ZNF529: variants seen among roughly 807,000 people sequenced by gnomAD.
ZNF529 encodes zinc finger protein 529.
In ZNF529, 11 loss-of-function variants were observed where a neutral mutation model predicts 10.1. The ratio of observed to expected loss-of-function variants is 1.09; its 90% CI spans 0.69 to 1.81. ZNF529 has a LOEUF of 1.81. ZNF529 is among the 40% of genes most tolerant of loss of function. The pLI is 0.00. For missense variants in ZNF529, 624 were observed against 666.8 expected (o/e 0.94, Z 0.71); for synonymous variants, 204 against 215.7 (o/e 0.95, Z 0.47).
At chr19:36,603,350 G>A (rs2036959584) in intron 1 of ZNF529, among the ~76,000 whole-genome samples, 1 of 152,150 alleles carries the variant, frequency 6.6e-6, no homozygotes, top group Non-Finnish European at 1.5e-5. Flanking sequence ...CATCTGATGA[G>A]GTACTGGAAA....
At chr19:36,557,784 G>A (rs2035537144) in intron 2 of ZNF529, among the ~76,000 whole-genome samples, 2 of 152,124 alleles carry the variant, frequency 1.3e-5, no homozygotes, top group Non-Finnish European at 2.9e-5. Flanking sequence ...CAAGAGACAG[G>A]CAAAGAAACA....
chr19:36,588,138 ACT>A (rs1257600353), intron 2 of ZNF529, among the ~76,000 whole-genome samples: 1 of 152,136 alleles, frequency 6.6e-6, no homozygotes, highest in East Asian at 1.9e-4. Context: ...AAAGAGCAAG[ACT>A]CTCTCAAAAT....
chr19:36,553,846 A>G (rs1344192293), intron 4 of ZNF529, among the ~76,000 whole-genome samples: 1 of 152,242 alleles, frequency 6.6e-6, no homozygotes, highest in African/African-American at 2.4e-5. Context: ...CTACAAGTGA[A>G]ATACACATAA....
chr19:36,550,995 G>C (rs567269031), intron 4 of ZNF529, among the ~76,000 whole-genome samples: 1 of 152,288 alleles, frequency 6.6e-6, no homozygotes, highest in East Asian at 1.9e-4. Flanking sequence ...TATTGTCCTT[G>C]TTATTGAAAT....
At chr19:36,584,215 A>G (rs1467248519) in intron 2 of ZNF529, among the ~76,000 whole-genome samples, 2 of 152,204 alleles carry the variant, frequency 1.3e-5, no homozygotes, top group Admixed American at 6.5e-5. Flanking sequence ...CTTCAAACTG[A>G]TAGAGGAAAA....
chr19:36,570,058 G>A (rs529563123), intron 2 of ZNF529, among the ~76,000 whole-genome samples: 107 of 152,120 alleles, frequency 7.0e-4, no homozygotes, highest in Non-Finnish European at 1.3e-3. Context: ...ATGACTGATC[G>A]TCAATAAAAA....
chr19:36,571,524 A>G (rs1600311397), intron 2 of ZNF529, among the ~76,000 whole-genome samples: 1 of 151,680 alleles, frequency 6.6e-6, no homozygotes, highest in African/African-American at 2.4e-5. Flanking sequence ...AAAATTCAAA[A>G]ATTAGCCGGG....
rs140920432 is a variant in ZNF529 at position 36,595,124 on chromosome 19, G to A, written c.-127-5423C>T. Among the ~76,000 whole-genome samples, 45 of 152,154 alleles carry A rather than the reference G, an allele frequency of 3.0e-4. No individual in the cohort carries two copies. In the East Asian group the frequency reaches 5.0e-3, roughly 17 times the overall value. On this transcript the variant is annotated intron_variant, in intron 1 of 4. Transcript: ENST00000585960. ...GAACTCCTGATTTTGTGATCCACGC[G>A]CCTTGGCCTGCCAAAGTGCTGGGAT...
intron 1 of ZNF529, among the ~76,000 whole-genome samples, chr19:36,598,752 G>A (rs1352882683): frequency 6.6e-6 from 1 of 152,050 alleles, no homozygotes; most frequent in Non-Finnish European, 1.5e-5. Flanking sequence ...TCACTCCCAT[G>A]GCACATAATA....
upstream of ZNF529, among the ~76,000 whole-genome samples, chr19:36,576,154 A>G (rs1215381886): frequency 6.6e-6 from 1 of 151,822 alleles, no homozygotes; most frequent in Non-Finnish European, 1.5e-5. Context: ...GCCTCACGTG[A>G]CTTCTTTTGC....
Position 36,560,542 on chromosome 19 carries a change from TA to T in ZNF529, c.15-4346del, listed in dbSNP as rs2035649475. On this transcript the variant is annotated intron_variant, in intron 2 of 4. Coordinates refer to ENST00000591340, the MANE Select transcript of ZNF529 (RefSeq NM_020951.5). ...AACCCAAAGTGAGAAATCAGATTGA[TA>T]AAATAAAAGTTATAAATGTATAAAG... Among the ~76,000 whole-genome samples the T allele has an allele frequency of 2.6e-5, 4 of 152,102 alleles. No homozygotes were observed. In the South Asian group the frequency reaches 8.3e-4, roughly 32 times the overall value.
At chr19:36,584,635 C>T (rs1281129753) in intron 2 of ZNF529, among the ~76,000 whole-genome samples, 2 of 151,826 alleles carry the variant, frequency 1.3e-5, no homozygotes, top group African/African-American at 4.8e-5. Flanking sequence ...GGTGTGGTGG[C>T]GCTCACCTGT....
At chr19:36,551,959 T>C (rs1160702940) in intron 4 of ZNF529, 1 of 152,250 alleles carries the variant, frequency 6.6e-6, no homozygotes, top group Non-Finnish European at 1.5e-5. Context: ...ATTGTACCGA[T>C]ATCTGTCTCA....
chr19:36,547,627 T>C lies in ZNF529; in HGVS notation c.931A>G (p.Lys311Glu). The change falls in exon 5 of 5, where the codon AAA becomes GAA. Residue 311 changes from lysine to glutamate, a missense_variant. Lys to Glu is a moderately conservative substitution (Grantham distance 56). Coordinates refer to ENST00000591340, the MANE Select transcript of ZNF529 (RefSeq NM_020951.5). ...AAGTCCTTGCCACATTCCATACATT[T>C]GTAAGTTTTCTCATCAGTATGGATT... is the stretch of plus-strand genomic sequence containing the variant. The part of the protein sequence containing the change: ...QKIHTDEKTY[K>E]CMECGKDFRF... 1 of 1,613,712 alleles carries C rather than the reference T, an allele frequency of 6.2e-7. No individual in the cohort carries two copies. Among genetic ancestry groups the C allele is most frequent in the Non-Finnish European group, 8.5e-7 (1 of 1,179,734 alleles).
intron 2 of ZNF529, among the ~76,000 whole-genome samples, chr19:36,568,183 T>C (rs1351779200): frequency 6.6e-6 from 1 of 152,172 alleles, no homozygotes; most frequent in Non-Finnish European, 1.5e-5. Flanking sequence ...AAAAAACAAC[T>C]AGAGACTAGC....
At chr19:36,587,874 C>A in intron 2 of ZNF529, among the ~76,000 whole-genome samples, 1 of 152,122 alleles carries the variant, frequency 6.6e-6, no homozygotes, top group Non-Finnish European at 1.5e-5. Flanking sequence ...AAAGTGACAG[C>A]TAAGGGGAGC....
In ZNF529 at chr19:36,548,324, TGAAA is replaced by T. The variant is rs373059453; in HGVS notation, c.236-6_236-3del. ...TAGTCTCATTCCTGGACTCCAAATC[TGAAA>T]GAAAGGAAAAAATAATTTTCATGTA... On this transcript the variant is annotated splice_polypyrimidine_tract_variant and splice_region_variant and intron_variant, in intron 4 of 4. Transcript: ENST00000591340. 4.4e-4 allele frequency: 661 copies of T among 1,513,744 alleles called. 5 individuals carry two copies. The African/African-American group carries it at 6.9e-3, about 16-fold the overall frequency. 93.8% of individuals were successfully genotyped at this position (1,513,744 alleles called of 1,614,324 possible).
At chr19:36,605,480 T>C (rs1271760806), upstream of ZNF529, 1 of 152,496 alleles carries the variant, frequency 6.6e-6, no homozygotes, top group African/African-American at 2.4e-5. Flanking sequence ...CTGGAAATTC[T>C]GAGGAGGAAA....
At chr19:36,573,096 T>TCA (rs911340819) in intron 1 of ZNF529, 44 bp downstream of exon 1, 125 of 205,196 alleles carry the variant, frequency 6.1e-4, no homozygotes, top group Middle Eastern at 2.4e-3. Flanking sequence ...TCTCCGTCTC[T>TCA]CACACACACA....
Sources: gnomAD v4.1 joint callset for allele counts (sites outside exome capture counted in the v4.1 genomes callset) on GRCh38, gnomAD v4.1.1 for gene constraint, MANE v1.5 for transcripts, NCBI Gene and HGNC (gene_info 2026-07-23, HGNC 2026-07-21) for gene names.